The following PARP8 variants were observed in gnomAD, a reference collection of about 807,000 sequenced individuals.
PARP8 encodes the protein protein mono-ADP-ribosyltransferase PARP8.
PARP8 carries 51 observed loss-of-function variants against 124.1 expected under a neutral mutation model. That is an observed-to-expected ratio of 0.41 (90% confidence interval 0.33 to 0.52). The LOEUF is 0.52. Ranked by LOEUF, PARP8 falls within the 20% of genes least tolerant of loss-of-function variation. The probability of loss-of-function intolerance (pLI) is 0.21; values close to 1 mark genes in which losing one functional copy is unlikely to be tolerated. For missense variants in PARP8, 860 were observed against 1,018.9 expected, an observed-to-expected ratio of 0.84 and a Z score of 2.12; for synonymous variants, 391 against 361.5, an observed-to-expected ratio of 1.08 and a Z score of -0.93.
intron 7 of PARP8, among the ~76,000 whole-genome samples, chr5:50,774,468 T>G (rs1761954191): frequency 6.6e-6 from 1 of 151,386 alleles, no homozygotes; most frequent in Admixed American, 6.6e-5. Flanking sequence ...GCAGAGGCGC[T>G]CCTCACTTCC....
At chr5:50,668,946 A>C (rs1195602556) in intron 2 of PARP8, 1 of 152,248 alleles carries the variant, frequency 6.6e-6, no homozygotes, top group African/African-American at 2.4e-5. Flanking sequence ...AGGACTTGAC[A>C]TTCAATATTG....
chr5:50,809,388 A>T (rs750641736), intron 14 of PARP8, among the ~76,000 whole-genome samples: 1 of 152,102 alleles, frequency 6.6e-6, no homozygotes, highest in Non-Finnish European at 1.5e-5. Context: ...TTTCATTTTT[A>T]GTAAGAAAAA....
chr5:50,756,819 C>T (rs1760011355), intron 3 of PARP8, among the ~76,000 whole-genome samples: 1 of 152,122 alleles, frequency 6.6e-6, no homozygotes, highest in Non-Finnish European at 1.5e-5. Flanking sequence ...CTTTAGCTAA[C>T]ATCTTGCTGT....
chr5:50,810,213 T>C (rs892129720), intron 14 of PARP8, among the ~76,000 whole-genome samples: 1 of 151,998 alleles, frequency 6.6e-6, no homozygotes, highest in African/African-American at 2.4e-5. Context: ...TTTTACAATC[T>C]AAATTAGAGT....
chr5:50,813,450 GA>G (rs1238177045), intron 14 of PARP8, among the ~76,000 whole-genome samples: 1 of 152,174 alleles, frequency 6.6e-6, no homozygotes, highest in Admixed American at 6.5e-5. Context: ...TTTGTATCCT[GA>G]GACTTTGCTG....
intron 7 of PARP8, among the ~76,000 whole-genome samples, chr5:50,764,913 A>G (rs1760906050): frequency 1.3e-5 from 2 of 151,880 alleles, no homozygotes; most frequent in East Asian, 1.9e-4. Flanking sequence ...AAATATGTCT[A>G]TGGGATATAA....
At chr5:50,739,659 A>G (rs757555673) in intron 2 of PARP8, among the ~76,000 whole-genome samples, 1 of 149,804 alleles carries the variant, frequency 6.7e-6, no homozygotes, top group African/African-American at 2.4e-5. Context: ...TATTTACACA[A>G]TAATTTTGTA....
intron 14 of PARP8, among the ~76,000 whole-genome samples, chr5:50,797,894 A>G (rs759549421): frequency 1.3e-5 from 2 of 152,194 alleles, no homozygotes; most frequent in African/African-American, 2.4e-5. Context: ...TATAACCATT[A>G]CAGCTATTTA....
chr5:50,842,811 A>C lies in PARP8; in HGVS notation c.*743A>C, dbSNP rs777751931. The C allele has an allele frequency of 2.0e-5, 3 of 151,746 alleles. No homozygotes were observed. The highest frequency in any genetic ancestry group is 4.4e-5 in the Non-Finnish European group (3 of 67,796). The allele number at this position is 151,746 out of a possible 1,614,324, so 9.4% of individuals were successfully genotyped here. A position where few individuals can be genotyped will look rare whatever the true frequency, so the allele number is the denominator to read the frequency against. Reference sequence around the variant, plus strand: ...ATATGAGCCAGATTTACCACCATTCATTCACTGAAAATATTTGCAGACAAT... The same window carrying C: ...ATATGAGCCAGATTTACCACCATTCCTTCACTGAAAATATTTGCAGACAAT... On this transcript the variant is annotated 3_prime_UTR_variant, in exon 26 of 26. Transcript: ENST00000281631.
intron 1 of PARP8, chr5:50,667,784 C>A: frequency 2.3e-6 from 2 of 859,006 alleles, no homozygotes; most frequent in South Asian, 1.4e-5. Flanking sequence ...ATTTTGCTTT[C>A]GCTACCGCGA....
chr5:50,800,428 T>A, intron 14 of PARP8, among the ~76,000 whole-genome samples: 1 of 152,146 alleles, frequency 6.6e-6, no homozygotes, highest in East Asian at 1.9e-4. Flanking sequence ...CTTTTCCTTA[T>A]CTAATGTGCT....
intron 15 of PARP8, among the ~76,000 whole-genome samples, chr5:50,819,111 C>T (rs1561427262): frequency 6.6e-6 from 1 of 152,154 alleles, no homozygotes; most frequent in Non-Finnish European, 1.5e-5. Context: ...GGTATTAGCG[C>T]TGTGTCCTGG....
At chr5:50,779,273 T>C (rs1370672095) in intron 9 of PARP8, among the ~76,000 whole-genome samples, 1 of 152,030 alleles carries the variant, frequency 6.6e-6, no homozygotes. Context: ...AGTTATCTAG[T>C]GTTACATTTA....
At chr5:50,837,709 G>A (rs1171990222) in intron 25 of PARP8, among the ~76,000 whole-genome samples, 2 of 151,716 alleles carry the variant, frequency 1.3e-5, no homozygotes, top group African/African-American at 4.8e-5. Context: ...AGCACAGAAT[G>A]AGAGAAAAAT....
intron 10 of PARP8, among the ~76,000 whole-genome samples, chr5:50,790,044 G>C (rs1213914060): frequency 6.6e-6 from 1 of 152,066 alleles, no homozygotes. Flanking sequence ...AAGTTTTTAT[G>C]ACTTAAATTG....
chr5:50,756,393 T>A (rs1759958135), intron 3 of PARP8, among the ~76,000 whole-genome samples: 1 of 152,124 alleles, frequency 6.6e-6, no homozygotes. Flanking sequence ...TCTTTAACCC[T>A]TTTTACGCTC....
In PARP8 at chr5:50,740,170, T is replaced by C. The variant is rs569075691; in HGVS notation, c.147-9981T>C. 5.3e-4 allele frequency among the ~76,000 whole-genome samples: 81 copies of C among 152,328 alleles called. No individual in the cohort carries two copies. The Middle Eastern group carries it at 0.014, about 26-fold the overall frequency. ...AAGAAAACAGGTGCCTTCTACTCTATGGATTTAGCAGGGGAAGCAAATATT... is the reference window on the plus strand; with the variant it reads ...AAGAAAACAGGTGCCTTCTACTCTACGGATTTAGCAGGGGAAGCAAATATT... On this transcript the variant is annotated intron_variant, in intron 2 of 25. Transcript: ENST00000281631.
chr5:50,840,731 G>T (rs1304583663), intron 25 of PARP8, among the ~76,000 whole-genome samples: 1 of 151,846 alleles, frequency 6.6e-6, no homozygotes, highest in African/African-American at 2.4e-5. Flanking sequence ...GTCCAAGGAA[G>T]AGGATGCAAT....
intron 7 of PARP8, among the ~76,000 whole-genome samples, chr5:50,768,103 G>C (rs1357049405): frequency 6.6e-6 from 1 of 152,064 alleles, no homozygotes; most frequent in Admixed American, 6.6e-5. Context: ...AATGACTGCT[G>C]ATTTTGATCA....
Sources: allele counts gnomAD v4.1 joint callset (sites outside exome capture counted in the v4.1 genomes callset), GRCh38; gene constraint gnomAD v4.1.1; transcripts MANE v1.5; gene names NCBI Gene and HGNC (gene_info 2026-07-23, HGNC 2026-07-21).